The following PDE4D variants were observed in gnomAD, a reference collection of about 807,000 sequenced individuals.
The protein encoded by PDE4D is 3',5'-cyclic-AMP phosphodiesterase 4D.
In PDE4D, 24 loss-of-function variants were observed where a neutral mutation model predicts 87.4. That is an observed-to-expected ratio of 0.27 (90% CI 0.20 to 0.39). PDE4D has a LOEUF of 0.39. Among genes scored for constraint, PDE4D ranks in the 10% least tolerant of loss-of-function variants. The pLI, the probability that PDE4D is intolerant of heterozygous loss-of-function variation, is 1.00. For missense variants in PDE4D, 714 were observed against 1,041.0 expected, an observed-to-expected ratio of 0.69 and a Z score of 4.32; for synonymous variants, 384 against 383.2, an observed-to-expected ratio of 1.00 and a Z score of -0.02.
intron 3 of PDE4D, among the ~76,000 whole-genome samples, chr5:59,978,864 T>G (rs1057467388): frequency 6.6e-6 from 1 of 152,084 alleles, no homozygotes; most frequent in Non-Finnish European, 1.5e-5. Flanking sequence ...GGCAAGACTC[T>G]CCACCAGCAA....
intron 1 of PDE4D, among the ~76,000 whole-genome samples, chr5:59,884,444 C>T (rs1423191808): frequency 6.6e-6 from 1 of 151,918 alleles, no homozygotes; most frequent in Non-Finnish European, 1.5e-5. Context: ...CTCTAAATTG[C>T]TTTTTCCACA....
At chr5:59,305,889 A>G (rs767329923) in intron 1 of PDE4D, among the ~76,000 whole-genome samples, 12 of 152,122 alleles carry the variant, frequency 7.9e-5, no homozygotes, top group Non-Finnish European at 1.6e-4. Context: ...TGTTCTGTAT[A>G]TATCTGTTAA....
intron 1 of PDE4D, among the ~76,000 whole-genome samples, chr5:60,239,768 T>C (rs1380719609): frequency 6.6e-6 from 1 of 152,124 alleles, no homozygotes; most frequent in Non-Finnish European, 1.5e-5. Context: ...TACAGAATTT[T>C]CTAATTGTCT....
At chr5:59,520,407 A>G (rs1811982809) in intron 1 of PDE4D, among the ~76,000 whole-genome samples, 1 of 152,186 alleles carries the variant, frequency 6.6e-6, no homozygotes, top group Non-Finnish European at 1.5e-5. Flanking sequence ...AAGGTGCTTA[A>G]AAAGTTGGTG....
chr5:59,156,331 A>ATATATATATATGTGTGTGTG (rs1384479557), intron 5 of PDE4D, among the ~76,000 whole-genome samples: 23 of 122,756 alleles, frequency 1.9e-4, no homozygotes, highest in African/African-American at 7.4e-4. Flanking sequence ...ATATATATAT[A>ATATATATATATGTGTGTGTG]TGTGTGTGTG....
chr5:59,223,755 G>A (rs1753074441), intron 1 of PDE4D, among the ~76,000 whole-genome samples: 1 of 152,050 alleles, frequency 6.6e-6, no homozygotes, highest in Non-Finnish European at 1.5e-5. Flanking sequence ...AGATGAGACT[G>A]TAGAAACTAG....
intron 1 of PDE4D, among the ~76,000 whole-genome samples, chr5:59,422,159 C>T (rs1160361985): frequency 6.6e-6 from 1 of 152,182 alleles, no homozygotes; most frequent in Non-Finnish European, 1.5e-5. Context: ...TGAGTAACAA[C>T]ATGCTCTACT....
chr5:60,357,408 C>T (rs1457488139), intron 1 of PDE4D, among the ~76,000 whole-genome samples: 1 of 152,156 alleles, frequency 6.6e-6, no homozygotes, highest in African/African-American at 2.4e-5. Flanking sequence ...ATCACTCTTA[C>T]TCTTTTAACA....
chr5:59,435,206 A>T (rs1180339039), intron 1 of PDE4D, among the ~76,000 whole-genome samples: 6 of 152,160 alleles, frequency 3.9e-5, no homozygotes, highest in African/African-American at 1.2e-4. Context: ...TACCAAGATT[A>T]TCTTAAAATG....
chr5:60,360,090 G>C (rs1450727082), intron 1 of PDE4D, among the ~76,000 whole-genome samples: 1 of 152,196 alleles, frequency 6.6e-6, no homozygotes, highest in Non-Finnish European at 1.5e-5. Flanking sequence ...TCCCCATAGA[G>C]CTAAAGTGGA....
At chr5:59,445,442 T>C (rs1798209348) in intron 1 of PDE4D, among the ~76,000 whole-genome samples, 1 of 152,236 alleles carries the variant, frequency 6.6e-6, no homozygotes, top group African/African-American at 2.4e-5. Context: ...TGGTATTAAA[T>C]TGACCCTATG....
At chr5:59,054,745 CTGA>C (rs1244589599) in intron 5 of PDE4D, among the ~76,000 whole-genome samples, 2 of 152,090 alleles carry the variant, frequency 1.3e-5, no homozygotes, top group East Asian at 1.9e-4. Flanking sequence ...ATGATTCACT[CTGA>C]TGTTTTCTAT....
At chr5:59,241,672 G>T (rs1198516128) in intron 1 of PDE4D, among the ~76,000 whole-genome samples, 1 of 152,144 alleles carries the variant, frequency 6.6e-6, no homozygotes, top group East Asian at 1.9e-4. Context: ...ACACTCAGGG[G>T]ACTAAGTTAT....
intron 1 of PDE4D, among the ~76,000 whole-genome samples, chr5:60,222,587 T>C (rs941008809): frequency 1.3e-5 from 2 of 152,190 alleles, no homozygotes; most frequent in African/African-American, 4.8e-5. Flanking sequence ...GAGTTGGGTA[T>C]GCCATTTCCA....
chr5:60,246,372 C>T (rs1460835724), intron 1 of PDE4D, among the ~76,000 whole-genome samples: 1 of 151,690 alleles, frequency 6.6e-6, no homozygotes, highest in East Asian at 1.9e-4. Context: ...TAGTCAGATA[C>T]TGCCTCTTCC....
Position 60,495,068 on chromosome 5 carries a change from G to A in PDE4D, n.70+26983C>T, listed in dbSNP as rs142536854. 1.4e-4 allele frequency among the ~76,000 whole-genome samples: 21 copies of A among 152,258 alleles called. 1 individual carries two copies. Among genetic ancestry groups the A allele is most frequent in the African/African-American group, 4.8e-4 (20 of 41,562 alleles). On this transcript the variant is annotated intron_variant and non_coding_transcript_variant, in intron 1 of 2. Transcript: ENST00000506510. ...CCTCCAGAGCACAGGCCACCACTAA[G>A]CAAGGAAAGAGTTCTCACTTCTTTA...
At chr5:59,709,078 C>A (rs73101142) in intron 1 of PDE4D, among the ~76,000 whole-genome samples, 117 of 152,092 alleles carry the variant, frequency 7.7e-4, no homozygotes, top group African/African-American at 2.8e-3. Flanking sequence ...ACCCACTCAA[C>A]TAATAGTTTT....
intron 1 of PDE4D, among the ~76,000 whole-genome samples, chr5:59,365,770 C>T (rs531286416): frequency 7.1e-4 from 108 of 152,054 alleles, no homozygotes; most frequent in Non-Finnish European, 1.4e-3. Context: ...AATCTTACCT[C>T]GGAAAAATAT....
chr5:59,405,742 G>A (rs1791495710), intron 1 of PDE4D, among the ~76,000 whole-genome samples: 1 of 152,140 alleles, frequency 6.6e-6, no homozygotes, highest in Non-Finnish European at 1.5e-5. Context: ...TTTTTATCAT[G>A]AAGGGATGTT....
Sources: gnomAD v4.1 joint callset for allele counts (sites outside exome capture counted in the v4.1 genomes callset) on GRCh38, gnomAD v4.1.1 for gene constraint, MANE v1.5 for transcripts, NCBI Gene and HGNC (gene_info 2026-07-23, HGNC 2026-07-21) for gene names.